The following DDX54 variants were observed in gnomAD, a reference collection of about 807,000 sequenced individuals.
The protein encoded by DDX54 is ATP-dependent RNA helicase DDX54.
In DDX54, 67 loss-of-function variants were observed where a neutral mutation model predicts 105.5. The observed-to-expected ratio is 0.64, with a 90% CI of 0.52 to 0.78. The LOEUF (loss-of-function observed/expected upper bound fraction) is 0.78. Among genes scored for constraint, DDX54 ranks in the 30% least tolerant of loss-of-function variants. The probability of loss-of-function intolerance (pLI) is 0.00; values close to 1 mark genes in which losing one functional copy is unlikely to be tolerated. For missense variants in DDX54, 1,206 were observed against 1,230.5 expected (o/e 0.98, Z 0.30); for synonymous variants, 514 against 509.9 (o/e 1.01, Z -0.11).
chr12:113,161,736 C>G (rs1235063413), intron 18 of DDX54, among the ~76,000 whole-genome samples, 157 bp downstream of exon 18: 1 of 149,900 alleles, frequency 6.7e-6, no homozygotes, highest in East Asian at 2.0e-4. Flanking sequence ...CCGCCCCCAG[C>G]ACCAGGTCCC....
In DDX54 at chr12:113,164,432, G is replaced by A. The variant is rs1299191027; in HGVS notation, c.1720-147C>T. The A allele has an allele frequency of 4.8e-6, 5 of 1,046,944 alleles. No homozygotes were observed. In the Admixed American group the frequency reaches 1.1e-4, roughly 24 times the overall value. 64.9% of individuals were successfully genotyped at this position (1,046,944 alleles called of 1,614,324 possible). The stretch of plus-strand genomic sequence containing the variant: ...CTTCACAATTAGATAGACAGACCCA[G>A]ACCAGGCGCAGTGGCTCATGCCTGT... On this transcript the variant is annotated intron_variant, in intron 14 of 19. Coordinates refer to ENST00000306014, the MANE Select transcript of DDX54 (RefSeq NM_024072.4).
At chr12:113,160,028 G>A (rs1441346715) in intron 19 of DDX54, among the ~76,000 whole-genome samples, 2 of 152,184 alleles carry the variant, frequency 1.3e-5, no homozygotes, top group South Asian at 2.1e-4. Context: ...AAAGCCCACA[G>A]GTCGCCCCCG....
intron 1 of DDX54, among the ~76,000 whole-genome samples, chr12:113,181,522 G>C (rs1952467974): frequency 6.6e-6 from 1 of 151,280 alleles, no homozygotes; most frequent in African/African-American, 2.4e-5. Context: ...CATTGCCCAG[G>C]CTAGTCTTGA....
At chr12:113,160,857 G>T (rs1166546500) in intron 19 of DDX54, among the ~76,000 whole-genome samples, 1 of 152,164 alleles carries the variant, frequency 6.6e-6, no homozygotes, top group Non-Finnish European at 1.5e-5. Context: ...TGCCATTTTT[G>T]CAGGTGAAAA....
chr12:113,183,009 C>T (rs1952484797), intron 1 of DDX54, among the ~76,000 whole-genome samples: 1 of 152,002 alleles, frequency 6.6e-6, no homozygotes, highest in Non-Finnish European at 1.5e-5. Context: ...AGGCACACAC[C>T]ACCATGCCTG....
At chr12:113,168,186 C>A (rs140437863) in intron 12 of DDX54, among the ~76,000 whole-genome samples, 1,531 of 152,360 alleles carry the variant, frequency 0.01, 22 homozygotes, top group African/African-American at 0.035. Context: ...CAGGCATGGG[C>A]TGGGACACTG....
At chr12:113,184,002 A>G (rs1419285502) in intron 1 of DDX54, among the ~76,000 whole-genome samples, 1 of 152,118 alleles carries the variant, frequency 6.6e-6, no homozygotes, top group Non-Finnish European at 1.5e-5. Context: ...GCTGGAGTGC[A>G]GTGGTGCAAT....
intron 12 of DDX54, among the ~76,000 whole-genome samples, chr12:113,167,467 C>A (rs929474199): frequency 2.0e-5 from 3 of 152,176 alleles, no homozygotes; most frequent in Non-Finnish European, 4.4e-5. Flanking sequence ...CTCATGGGCC[C>A]ATCACCCAGC....
At chr12:113,165,550 C>T (rs555797449) in intron 14 of DDX54, 94 bp downstream of exon 14, 166 of 1,344,526 alleles carry the variant, frequency 1.2e-4, no homozygotes, top group Non-Finnish European at 1.5e-4. Flanking sequence ...CTGGCACCAC[C>T]GTTGTCACTG....
In DDX54 at chr12:113,172,495, G is replaced by C; in HGVS notation, c.1137C>G (p.Ile379Met). 4 of 1,614,270 alleles carry C rather than the reference G, an allele frequency of 2.5e-6. No individual in the cohort carries two copies. The highest frequency in any genetic ancestry group is 1.7e-6 in the Non-Finnish European group (2 of 1,180,058). Residue 379 changes from isoleucine to methionine, a missense_variant, in exon 11 of 20, where the codon ATC becomes ATG. By Grantham distance (10) the Ile-to-Met change is conservative. Coordinates refer to ENST00000306014, the MANE Select transcript of DDX54 (RefSeq NM_024072.4). The part of the protein sequence containing the change: ...YSALDPTARK[I>M]NLAKFTLGKC... ...TGCCAAGCGTGAATTTGGCGAGATTGATCTTGCGGGCTGTCGGGTCTAGGG... is the reference window on the plus strand; with the variant it reads ...TGCCAAGCGTGAATTTGGCGAGATTCATCTTGCGGGCTGTCGGGTCTAGGG...
Position 113,165,611 on chromosome 12 carries a change from C to T in DDX54, c.1719+33G>A, listed in dbSNP as rs753792271. 1.9e-6 allele frequency: 3 copies of T among 1,570,496 alleles called. No homozygotes were observed. In the South Asian group the frequency reaches 3.5e-5, roughly 19 times the overall value. On this transcript the variant is annotated intron_variant, in intron 14 of 19. Transcript: ENST00000306014. ...GTCTCTGGGCTCCACAGAGCCAGGA[C>T]TCAGAGCGTGGTCTCCACCCGGCCC...
chr12:113,169,723 C>T, intron 12 of DDX54, 47 bp downstream of exon 12: 2 of 1,598,844 alleles, frequency 1.3e-6, no homozygotes, highest in Non-Finnish European at 1.7e-6. Flanking sequence ...CAAAACAGGG[C>T]CCATGAACTC....
At chr12:113,168,994 C>T (rs767561168) in intron 12 of DDX54, among the ~76,000 whole-genome samples, 10 of 152,022 alleles carry the variant, frequency 6.6e-5, no homozygotes, top group South Asian at 6.2e-4. Flanking sequence ...TCTTTCCCTC[C>T]GCTGCGCTCC....
chr12:113,179,055 C>A (rs371340456), intron 4 of DDX54, 29 bp from the exon 5 acceptor site: 2 of 1,613,726 alleles, frequency 1.2e-6, no homozygotes, highest in African/African-American at 1.3e-5. Context: ...TGAGAGAGGG[C>A]AGGGGTGAGA....
chr12:113,179,102 G>A (rs1348366652), intron 4 of DDX54, 41 bp downstream of exon 4: 24 of 1,613,336 alleles, frequency 1.5e-5, no homozygotes, highest in Non-Finnish European at 1.9e-5. Context: ...CCGGTCCCAA[G>A]TCAGCCCTTG....
Position 113,157,979 on chromosome 12 carries a change from G to GA in DDX54, c.*897dup, listed in dbSNP as rs1041075692. 68 of 439,866 alleles carry GA rather than the reference G, an allele frequency of 1.5e-4. No individual in the cohort carries two copies. Among genetic ancestry groups the GA allele is most frequent in the East Asian group, 3.0e-4 (8 of 26,746 alleles). The allele number at this position is 439,866 out of a possible 1,614,324, so 27.2% of individuals were successfully genotyped here. ...CTCCCTGCCAGGGTGGTTGGGGCAT[G>GA]AAAAAAAACTCTTTGTCAGGTCTCA... On this transcript the variant is annotated 3_prime_UTR_variant, in exon 20 of 20. Coordinates refer to ENST00000306014, the MANE Select transcript of DDX54 (RefSeq NM_024072.4).
In DDX54 at chr12:113,169,743, C is replaced by T. The variant is rs747726208; in HGVS notation, c.1414+27G>A. On this transcript the variant is annotated intron_variant, in intron 12 of 19. Transcript: ENST00000306014. ...CAGGGCCCATGAACTCCACGGGGAC[C>T]CCTATCCCCACCCAGCCTCCACTCA... is the stretch of plus-strand genomic sequence containing the variant. 1.9e-6 allele frequency: 3 copies of T among 1,611,978 alleles called. No homozygotes were observed. In the Admixed American group the frequency reaches 5.0e-5, roughly 27 times the overall value.
Position 113,157,340 on chromosome 12 carries a change from T to C in DDX54, c.*1537A>G. The C allele has an allele frequency of 2.0e-6, 1 of 501,832 alleles. No individual in the cohort carries two copies. Among genetic ancestry groups the C allele is most frequent in the Non-Finnish European group, 3.6e-6 (1 of 281,410 alleles). The allele number at this position is 501,832 out of a possible 1,614,324, so 31.1% of individuals were successfully genotyped here. The stretch of plus-strand genomic sequence containing the variant: ...TGATTGATGTAAATGAAAATACTAA[T>C]TGGATAGTGCAGGTGACAGCAGCGA... On this transcript the variant is annotated 3_prime_UTR_variant, in exon 20 of 20. Coordinates refer to ENST00000306014, the MANE Select transcript of DDX54 (RefSeq NM_024072.4).
chr12:113,164,054 G>A lies in DDX54; in HGVS notation c.1938+13C>T. On this transcript the variant is annotated intron_variant, in intron 15 of 19. Coordinates refer to ENST00000306014, the MANE Select transcript of DDX54 (RefSeq NM_024072.4). ...ATACCCCAGGTCCAGGGTCCCCAGG[G>A]TGGAACCTGTACCTCCACACTCTCT... 1 of 1,539,840 alleles carries A rather than the reference G, an allele frequency of 6.5e-7. No individual in the cohort carries two copies. The highest frequency in any genetic ancestry group is 8.8e-7 in the Non-Finnish European group (1 of 1,138,942).
Sources: gnomAD v4.1 joint callset for allele counts (sites outside exome capture counted in the v4.1 genomes callset) on GRCh38, gnomAD v4.1.1 for gene constraint, MANE v1.5 for transcripts, NCBI Gene and HGNC (gene_info 2026-07-23, HGNC 2026-07-21) for gene names.